Variants in MDGA2 observed in about 807,000 individuals in gnomAD.
MDGA2 encodes MAM domain containing glycosylphosphatidylinositol anchor 2.
MDGA2 carries 40 observed loss-of-function variants against 117.8 expected under a neutral mutation model. The ratio of observed to expected loss-of-function variants is 0.34; its 90% CI spans 0.26 to 0.44. MDGA2 has a LOEUF of 0.44. MDGA2 is among the 20% of genes least tolerant of loss of function. MDGA2 has a pLI of 1.00. For synonymous variants in MDGA2, 452 were observed against 439.0 expected (o/e 1.03, Z -0.37); for missense variants, 1,123 against 1,250.6 (o/e 0.90, Z 1.54).
chr14:47,153,681 T>A (rs1883250046), intron 3 of MDGA2, among the ~76,000 whole-genome samples: 4 of 130,142 alleles, frequency 3.1e-5, no homozygotes, highest in Non-Finnish European at 1.6e-5. Flanking sequence ...CAGCACTAAG[T>A]ACAGGCAAAA....
At chr14:47,655,484 C>T (rs552845756) in intron 1 of MDGA2, among the ~76,000 whole-genome samples, 4 of 152,034 alleles carry the variant, frequency 2.6e-5, no homozygotes, top group East Asian at 3.9e-4. Flanking sequence ...GTAAGAGAAC[C>T]GAATAAGCAA....
At chr14:47,102,619 T>C (rs1380278263) in intron 5 of MDGA2, among the ~76,000 whole-genome samples, 2 of 151,982 alleles carry the variant, frequency 1.3e-5, no homozygotes, top group African/African-American at 4.8e-5. Context: ...GTTATCACTG[T>C]GGGAAACTTG....
chr14:47,610,913 G>A (rs1896836099), intron 1 of MDGA2, among the ~76,000 whole-genome samples: 1 of 151,924 alleles, frequency 6.6e-6, no homozygotes, highest in Non-Finnish European at 1.5e-5. Flanking sequence ...GCAAGACAAA[G>A]CAAAAAGGAC....
intron 1 of MDGA2, among the ~76,000 whole-genome samples, chr14:47,517,018 T>C (rs892297907): frequency 6.6e-6 from 1 of 152,002 alleles, no homozygotes; most frequent in Non-Finnish European, 1.5e-5. Context: ...GAAGAAACAA[T>C]TGGAAGGAAT....
rs1889269606 is a variant in MDGA2, at chr14:47,301,269, T to C, written c.420+142A>G. On this transcript the variant is annotated intron_variant, in intron 2 of 16. Coordinates refer to ENST00000399232, the MANE Select transcript of MDGA2 (RefSeq NM_001113498.3). Reference sequence around the variant, plus strand: ...CGTTGCACATATACTTGCACTTGAGTTACACACACACACACCCACACCCAC... The same window carrying C: ...CGTTGCACATATACTTGCACTTGAGCTACACACACACACACCCACACCCAC... 3 of 808,046 alleles carry C rather than the reference T, an allele frequency of 3.7e-6. No individual in the cohort carries two copies. The African/African-American group carries it at 5.8e-5, about 16-fold the overall frequency. The allele number at this position is 808,046 out of a possible 1,614,324, so 50.1% of individuals were successfully genotyped here. A position where few individuals can be genotyped will look rare whatever the true frequency, so the allele number is the denominator to read the frequency against.
intron 8 of MDGA2, among the ~76,000 whole-genome samples, chr14:46,971,880 T>C (rs1015332709): frequency 6.6e-6 from 1 of 152,174 alleles, no homozygotes; most frequent in African/African-American, 2.4e-5. Context: ...GTAAAATATA[T>C]TGTTATCAGT....
chr14:47,529,904 G>T (rs1212077840), intron 1 of MDGA2, among the ~76,000 whole-genome samples: 1 of 152,204 alleles, frequency 6.6e-6, no homozygotes, highest in African/African-American at 2.4e-5. Flanking sequence ...ATAGTGGTTA[G>T]ACTGTAGGGA....
chr14:47,096,149 C>T (rs1202709759), intron 6 of MDGA2, among the ~76,000 whole-genome samples: 1 of 151,998 alleles, frequency 6.6e-6, no homozygotes, highest in Non-Finnish European at 1.5e-5. Flanking sequence ...TTACATTTTG[C>T]TTCAGTTCCT....
intron 1 of MDGA2, among the ~76,000 whole-genome samples, chr14:47,438,604 A>T (rs143732368): frequency 1.3e-5 from 2 of 152,266 alleles, no homozygotes; most frequent in Admixed American, 1.3e-4. Flanking sequence ...AAGAGACAGG[A>T]GCCAGAAATA....
intron 8 of MDGA2, among the ~76,000 whole-genome samples, chr14:46,999,161 T>A (rs1016485799): frequency 1.3e-5 from 2 of 151,710 alleles, no homozygotes; most frequent in African/African-American, 4.8e-5. Flanking sequence ...GATTTAAGTA[T>A]AAATTGTGGA....
intron 3 of MDGA2, among the ~76,000 whole-genome samples, chr14:47,193,934 G>T (rs1379204626): frequency 6.6e-6 from 1 of 152,098 alleles, no homozygotes; most frequent in Non-Finnish European, 1.5e-5. Context: ...TTATTAAATG[G>T]TCAGACTTAC....
intron 3 of MDGA2, among the ~76,000 whole-genome samples, chr14:47,145,640 T>C (rs1054891843): frequency 6.6e-6 from 1 of 152,130 alleles, no homozygotes; most frequent in Non-Finnish European, 1.5e-5. Flanking sequence ...TTACTTAACT[T>C]TGGGGTCTTC....
At chr14:47,656,402 C>G (rs557492447) in intron 1 of MDGA2, among the ~76,000 whole-genome samples, 1 of 152,184 alleles carries the variant, frequency 6.6e-6, no homozygotes, top group African/African-American at 2.4e-5. Flanking sequence ...TGGTATAAAC[C>G]AAAAAGGTAC....
At chr14:46,839,628 T>C (rs972091987), downstream of MDGA2, among the ~76,000 whole-genome samples, 2 of 151,878 alleles carry the variant, frequency 1.3e-5, no homozygotes, top group African/African-American at 4.8e-5. Flanking sequence ...AGAAATTTTG[T>C]AAAACGTAAA....
chr14:47,415,936 T>C (rs897117971), intron 1 of MDGA2, among the ~76,000 whole-genome samples: 1 of 152,202 alleles, frequency 6.6e-6, no homozygotes, highest in Non-Finnish European at 1.5e-5. Flanking sequence ...AAGGGCAATC[T>C]GTAAATACTA....
chr14:47,117,793 T>G (rs1881414556), intron 5 of MDGA2, among the ~76,000 whole-genome samples: 1 of 152,078 alleles, frequency 6.6e-6, no homozygotes, highest in South Asian at 2.1e-4. Flanking sequence ...GGCATAAAGT[T>G]TAAGTCAAGC....
intron 1 of MDGA2, among the ~76,000 whole-genome samples, chr14:47,453,271 A>G (rs1893278931): frequency 6.6e-6 from 1 of 152,028 alleles, no homozygotes; most frequent in Admixed American, 6.6e-5. Context: ...GCTTTGTCAT[A>G]TTTCTTAAAT....
chr14:47,340,021 A>G (rs1890574020), intron 1 of MDGA2, among the ~76,000 whole-genome samples: 1 of 152,174 alleles, frequency 6.6e-6, no homozygotes, highest in South Asian at 2.1e-4. Flanking sequence ...TGTATGCTCT[A>G]AAGATAGATA....
intron 8 of MDGA2, among the ~76,000 whole-genome samples, chr14:47,009,992 C>T (rs1024463821): frequency 3.3e-5 from 5 of 151,984 alleles, no homozygotes; most frequent in Admixed American, 1.3e-4. Flanking sequence ...TAAGTCTGAT[C>T]ATCTTTCAAA....
Sources: allele counts gnomAD v4.1 joint callset (sites outside exome capture counted in the v4.1 genomes callset), GRCh38; gene constraint gnomAD v4.1.1; transcripts MANE v1.5; gene names NCBI Gene and HGNC (gene_info 2026-07-23, HGNC 2026-07-21).